Variants in FNDC4 observed in about 807,000 individuals in gnomAD.
FNDC4 encodes the protein fibronectin type III domain containing 4, also known as fibronectin type III domain-containing protein 4.
In FNDC4, 11 loss-of-function variants were observed where a neutral mutation model predicts 25.1. The observed-to-expected ratio is 0.44, with a 90% CI of 0.28 to 0.73. FNDC4 has a LOEUF of 0.73. Among genes scored for constraint, FNDC4 ranks in the 30% least tolerant of loss-of-function variants. The pLI is 0.16. For missense variants in FNDC4, 250 were observed against 304.3 expected (o/e 0.82, Z 1.33); for synonymous variants, 136 against 118.8 (o/e 1.14, Z -0.94).
At chr2:27,493,628 T>C (rs762348544) in intron 4 of FNDC4, 150 bp from the exon 5 acceptor site, 7 of 728,828 alleles carry the variant, frequency 9.6e-6, no homozygotes, top group Non-Finnish European at 1.7e-5. Flanking sequence ...GAGGAAGCCG[T>C]TGGTGGACAG....
In FNDC4 at chr2:27,494,303, G is replaced by A; in HGVS notation, c.249+48C>T. ...CCCCCCCACTTAAGTGAAGAAATGT[G>A]CCGAAATCCAAGGACACAGGTTGGG... On this transcript the variant is annotated intron_variant, in intron 3 of 6. Coordinates refer to ENST00000264703, the MANE Select transcript of FNDC4 (RefSeq NM_022823.3). The surrounding 1 kb of genome is among the most constrained non-coding windows in gnomAD (Gnocchi z 4.6). The A allele has an allele frequency of 6.5e-7, 1 of 1,527,888 alleles. No homozygotes were observed. The highest frequency in any genetic ancestry group is 9.1e-7 in the Non-Finnish European group (1 of 1,104,204). The allele number at this position is 1,527,888 out of a possible 1,614,324, so 94.6% of individuals were successfully genotyped here.
chr2:27,494,243 G>A lies in FNDC4; in HGVS notation c.249+108C>T. On this transcript the variant is annotated intron_variant, in intron 3 of 6. Transcript: ENST00000264703. The surrounding 1 kb of genome is among the most constrained non-coding windows in gnomAD (Gnocchi z 4.6). Reference sequence around the variant, plus strand: ...GCACTCCGGGGGAGTAGCGTGAAAAGGGCAGCCTGAGCCAGGATACGCCAG... The same window carrying A: ...GCACTCCGGGGGAGTAGCGTGAAAAAGGCAGCCTGAGCCAGGATACGCCAG... 1.4e-6 allele frequency: 2 copies of A among 1,408,248 alleles called. No individual in the cohort carries two copies. The highest frequency in any genetic ancestry group is 2.4e-5 in the East Asian group (1 of 41,850). 87.2% of individuals were successfully genotyped at this position (1,408,248 alleles called of 1,614,324 possible). A position where few individuals can be genotyped will look rare whatever the true frequency, so the allele number is the denominator to read the frequency against.
intron 5 of FNDC4, 147 bp downstream of exon 5, chr2:27,493,242 C>T (rs914649870): frequency 1.1e-5 from 7 of 648,982 alleles, no homozygotes; most frequent in Admixed American, 9.9e-5. Flanking sequence ...AAACTCCTGA[C>T]CTCAGGTGAT....
At position 27,492,869 on chromosome 2, in the gene FNDC4, C is replaced by T; in HGVS notation, c.545-79G>A. The T allele has an allele frequency of 1.3e-6, 2 of 1,550,540 alleles. No homozygotes were observed. The highest frequency in any genetic ancestry group is 1.1e-5 in the South Asian group (1 of 89,036). ...ATACCTACGTAGCTTCTAGAAAATC[C>T]ATGAAGAACATCCTGAATTCCTGGT... On this transcript the variant is annotated intron_variant, in intron 5 of 6. Coordinates refer to ENST00000264703, the MANE Select transcript of FNDC4 (RefSeq NM_022823.3). This position sits in a 1 kb window ranked among gnomAD's most constrained non-coding sequence, Gnocchi z 4.1.
Position 27,494,593 on chromosome 2 carries a change from G to T in FNDC4, c.87C>A (p.Pro29=). ...SLVPLSPYLS[P]TVLLLVSCDL... Reference sequence around the variant, plus strand: ...CACAGCTGACCAGCAGGAGGACCGTGGGGCTTAGATATGGGGAAAGGGGCA... The same window carrying T: ...CACAGCTGACCAGCAGGAGGACCGTTGGGCTTAGATATGGGGAAAGGGGCA... The change falls in exon 2 of 7, where the codon CCC becomes CCA. Residue 29 remains proline (P), a synonymous_variant. Coordinates refer to ENST00000264703, the MANE Select transcript of FNDC4 (RefSeq NM_022823.3). The surrounding 1 kb of genome is among the most constrained non-coding windows in gnomAD (Gnocchi z 4.6). 6.2e-7 allele frequency: 1 copy of T among 1,612,840 alleles called. No individual in the cohort carries two copies. Among genetic ancestry groups the T allele is most frequent in the South Asian group, 1.1e-5 (1 of 90,798 alleles).
At position 27,494,878 on chromosome 2, in the gene FNDC4, C is replaced by T; in HGVS notation, c.-25G>A. ...TGCGGTCCGCCCTGCCCACACCCACCTCCGCCGGTCCTCGCGGTTGGTCAG... is the reference window on the plus strand; with the variant it reads ...TGCGGTCCGCCCTGCCCACACCCACTTCCGCCGGTCCTCGCGGTTGGTCAG... On this transcript the variant is annotated splice_region_variant and 5_prime_UTR_variant, in exon 1 of 7. Transcript: ENST00000264703. This position sits in a 1 kb window ranked among gnomAD's most constrained non-coding sequence, Gnocchi z 4.6. 1 of 507,914 alleles carries T rather than the reference C, an allele frequency of 2.0e-6. No individual in the cohort carries two copies. 31.5% of individuals were successfully genotyped at this position (507,914 alleles called of 1,614,324 possible). A position where few individuals can be genotyped will look rare whatever the true frequency, so the allele number is the denominator to read the frequency against.
In FNDC4 at chr2:27,494,480, G is replaced by A. The variant is rs1379592672; in HGVS notation, c.134-14C>T. 1 of 1,613,682 alleles carries A rather than the reference G, an allele frequency of 6.2e-7. No individual in the cohort carries two copies. The highest frequency in any genetic ancestry group is 1.3e-5 in the African/African-American group (1 of 75,024). ...AGGGAGGCCGGTCTGCGGGAGCCAG[G>A]GTGTTTAACAGGTTTCACCCATTGA... is the stretch of plus-strand genomic sequence containing the variant. On this transcript the variant is annotated splice_polypyrimidine_tract_variant and intron_variant, in intron 2 of 6. Transcript: ENST00000264703. This position sits in a 1 kb window ranked among gnomAD's most constrained non-coding sequence, Gnocchi z 4.6.
intron 4 of FNDC4, 34 bp from the exon 5 acceptor site, chr2:27,493,512 G>T (rs1419640338): frequency 6.7e-7 from 1 of 1,491,662 alleles, no homozygotes. Context: ...CAGACTCCAG[G>T]TTACTGGGGT....
At position 27,494,418 on chromosome 2, in the gene FNDC4, T is replaced by G. The variant is rs1572854702; in HGVS notation, c.182A>C (p.Asn61Thr). The change falls in exon 3 of 7, where the codon AAC becomes ACC. Residue 61 changes from asparagine (N) to threonine (T), a missense_variant. By Grantham distance (65) the Asn-to-Thr change is moderately conservative. Transcript: ENST00000264703. The surrounding 1 kb of genome is among the most constrained non-coding windows in gnomAD (Gnocchi z 4.6). Reference sequence around the variant, plus strand: ...GACGTCCCAGGACACAGTGGCCGAGTTGGCTCTGAGGTGAGTGACCGTCAC... The same window carrying G: ...GACGTCCCAGGACACAGTGGCCGAGGTGGCTCTGAGGTGAGTGACCGTCAC... ...VNVTVTHLRA[N>T]SATVSWDVPE... 13 of 1,614,110 alleles carry G rather than the reference T, an allele frequency of 8.1e-6. No individual in the cohort carries two copies. The highest frequency in any genetic ancestry group is 1.1e-5 in the Non-Finnish European group (13 of 1,180,018).
Position 27,493,464 on chromosome 2 carries a change from C to T in FNDC4, c.469G>A (p.Glu157Lys). Residue 157 changes from glutamate (E) to lysine (K), a missense_variant, in exon 5 of 7, where the codon GAA becomes AAA. Transcript: ENST00000264703. ...NSSSPGDITV[E>K]GLDGERPLQT... ...AGTGGCCGCTCTCCATCCAGACCTTCCACTGTGATGTCACCTGAGAAGGGA... is the reference window on the plus strand; with the variant it reads ...AGTGGCCGCTCTCCATCCAGACCTTTCACTGTGATGTCACCTGAGAAGGGA... 1 of 1,613,630 alleles carries T rather than the reference C, an allele frequency of 6.2e-7. No homozygotes were observed. Among genetic ancestry groups the T allele is most frequent in the Non-Finnish European group, 8.5e-7 (1 of 1,179,574 alleles).
At position 27,493,880 on chromosome 2, in the gene FNDC4, G is replaced by A. The variant is rs754301772; in HGVS notation, c.454+50C>T. On this transcript the variant is annotated intron_variant, in intron 4 of 6. Transcript: ENST00000264703. The stretch of plus-strand genomic sequence containing the variant: ...GCTTGTCTTGGGGAAGTAAGTAAGA[G>A]GCTGCAAGCCAGGTAAGCAGCCAGA... The A allele has an allele frequency of 8.4e-6, 13 of 1,547,490 alleles. No homozygotes were observed. In the South Asian group the frequency reaches 1.1e-4, roughly 13 times the overall value.
At chr2:27,493,904 G>A (rs780181680) in intron 4 of FNDC4, 26 bp downstream of exon 4, 3 of 1,609,144 alleles carry the variant, frequency 1.9e-6, no homozygotes, top group South Asian at 1.1e-5. Flanking sequence ...TAAGCAGCCA[G>A]AGAATCCAAT....
chr2:27,492,799 C>A lies in FNDC4; in HGVS notation c.545-9G>T. On this transcript the variant is annotated splice_polypyrimidine_tract_variant and intron_variant, in intron 5 of 6. Coordinates refer to ENST00000264703, the MANE Select transcript of FNDC4 (RefSeq NM_022823.3). The surrounding 1 kb of genome is among the most constrained non-coding windows in gnomAD (Gnocchi z 4.1). ...GAACAGCCCAATTACAGCTGAAACA[C>A]AATACAGTCTGAGCCTTCATCTCCA... 6.2e-7 allele frequency: 1 copy of A among 1,614,006 alleles called. No individual in the cohort carries two copies. Among genetic ancestry groups the A allele is most frequent in the Non-Finnish European group, 8.5e-7 (1 of 1,180,026 alleles).
Position 27,492,918 on chromosome 2 carries a change from G to A in FNDC4, c.545-128C>T. On this transcript the variant is annotated intron_variant, in intron 5 of 6. Coordinates refer to ENST00000264703, the MANE Select transcript of FNDC4 (RefSeq NM_022823.3). This position sits in a 1 kb window ranked among gnomAD's most constrained non-coding sequence, Gnocchi z 4.1. ...GTGCCCATGCAGTCCTCCTCTCTGG[G>A]CTCTCAACAGCCTCCTCTCCCTCTC... is the stretch of plus-strand genomic sequence containing the variant. The A allele has an allele frequency of 2.1e-6, 2 of 941,850 alleles. No individual in the cohort carries two copies. Among genetic ancestry groups the A allele is most frequent in the Non-Finnish European group, 3.3e-6 (2 of 611,876 alleles). The allele number at this position is 941,850 out of a possible 1,614,324, so 58.3% of individuals were successfully genotyped here. A position where few individuals can be genotyped will look rare whatever the true frequency, so the allele number is the denominator to read the frequency against.
In FNDC4 at chr2:27,492,227, A is replaced by C. The variant is rs966360523; in HGVS notation, c.*216T>G. On this transcript the variant is annotated 3_prime_UTR_variant, in exon 7 of 7. Coordinates refer to ENST00000264703, the MANE Select transcript of FNDC4 (RefSeq NM_022823.3). This position sits in a 1 kb window ranked among gnomAD's most constrained non-coding sequence, Gnocchi z 4.1. The stretch of plus-strand genomic sequence containing the variant: ...ACCGGGGAATGGAAGGAGATATCCC[A>C]TCTGATATCCACTCCCCAGGTCCAG... 1.6e-6 allele frequency: 1 copy of C among 613,650 alleles called. No individual in the cohort carries two copies. The highest frequency in any genetic ancestry group is 2.9e-6 in the Non-Finnish European group (1 of 343,310). The allele number at this position is 613,650 out of a possible 1,614,324, so 38.0% of individuals were successfully genotyped here.
chr2:27,492,263 T>C lies in FNDC4; in HGVS notation c.*180A>G. 5.5e-6 allele frequency: 4 copies of C among 726,950 alleles called. No homozygotes were observed. The highest frequency in any genetic ancestry group is 4.8e-6 in the Non-Finnish European group (2 of 417,092). 45.0% of individuals were successfully genotyped at this position (726,950 alleles called of 1,614,324 possible). ...ACTCCCCAGGTCCAGGGGCACAGAC[T>C]CTGAACAGACCTACCTTCTGGCTCT... On this transcript the variant is annotated 3_prime_UTR_variant, in exon 7 of 7. Coordinates refer to ENST00000264703, the MANE Select transcript of FNDC4 (RefSeq NM_022823.3). The surrounding 1 kb of genome is among the most constrained non-coding windows in gnomAD (Gnocchi z 4.1).
At position 27,492,349 on chromosome 2, in the gene FNDC4, G is replaced by A; in HGVS notation, c.*94C>T. 1.4e-6 allele frequency: 2 copies of A among 1,465,506 alleles called. No individual in the cohort carries two copies. The highest frequency in any genetic ancestry group is 1.7e-5 in the Admixed American group (1 of 59,724). 90.8% of individuals were successfully genotyped at this position (1,465,506 alleles called of 1,614,324 possible). The stretch of plus-strand genomic sequence containing the variant: ...GATTGTGGGAGTGGCATTACCCTCT[G>A]GGAGTCTCGGGCAGATCACCATCTT... On this transcript the variant is annotated 3_prime_UTR_variant, in exon 7 of 7. Transcript: ENST00000264703. This position sits in a 1 kb window ranked among gnomAD's most constrained non-coding sequence, Gnocchi z 4.1.
Position 27,491,996 on chromosome 2 carries a change from G to A in FNDC4, c.*447C>T. The A allele has an allele frequency of 5.5e-6, 1 of 181,664 alleles. No individual in the cohort carries two copies. Among genetic ancestry groups the A allele is most frequent in the Non-Finnish European group, 1.2e-5 (1 of 85,310 alleles). 11.3% of individuals were successfully genotyped at this position (181,664 alleles called of 1,614,324 possible). On this transcript the variant is annotated 3_prime_UTR_variant, in exon 7 of 7. Coordinates refer to ENST00000264703, the MANE Select transcript of FNDC4 (RefSeq NM_022823.3). ...ACCTGAGGCTCCATGGAAGACATTG[G>A]AGTAGTGCAGTGCAGCATCTGCCTC...
Position 27,492,203 on chromosome 2 carries a change from C to A in FNDC4, c.*240G>T. ...GTACAACTAGTGACTCTCCCCTGGACCGGGGAATGGAAGGAGATATCCCAT... is the reference window on the plus strand; with the variant it reads ...GTACAACTAGTGACTCTCCCCTGGAACGGGGAATGGAAGGAGATATCCCAT... On this transcript the variant is annotated 3_prime_UTR_variant, in exon 7 of 7. Coordinates refer to ENST00000264703, the MANE Select transcript of FNDC4 (RefSeq NM_022823.3). The surrounding 1 kb of genome is among the most constrained non-coding windows in gnomAD (Gnocchi z 4.1). 1 of 590,336 alleles carries A rather than the reference C, an allele frequency of 1.7e-6. No individual in the cohort carries two copies. Among genetic ancestry groups the A allele is most frequent in the Non-Finnish European group, 3.0e-6 (1 of 330,572 alleles). The allele number at this position is 590,336 out of a possible 1,614,324, so 36.6% of individuals were successfully genotyped here.
Sources: allele counts gnomAD v4.1 joint callset, GRCh38; gene constraint gnomAD v4.1.1; non-coding constraint Gnocchi (gnomAD v3.1); transcripts MANE v1.5; gene names NCBI Gene and HGNC (gene_info 2026-07-23, HGNC 2026-07-21).